Variants in AXDND1 observed in about 807,000 individuals in gnomAD.
The protein encoded by AXDND1 is axonemal dynein light chain domain containing 1, also known as axonemal dynein light chain domain-containing protein 1.
A neutral mutation model predicts 137.5 loss-of-function variants in AXDND1; 110 were observed. The observed-to-expected ratio is 0.80, with a 90% CI of 0.69 to 0.94. AXDND1 has a LOEUF of 0.94. Among genes scored for constraint, AXDND1 ranks in the 40% least tolerant of loss-of-function variants. AXDND1 has a pLI of 0.00. For missense variants in AXDND1, 1,191 were observed against 1,169.8 expected (o/e 1.02, Z -0.26); for synonymous variants, 414 against 399.7 (o/e 1.04, Z -0.43).
In AXDND1 at chr1:179,383,491, A is replaced by G; in HGVS notation, c.688A>G (p.Thr230Ala). The change falls in exon 8 of 26, where the codon ACT becomes GCT. Residue 230 changes from threonine to alanine, a missense_variant. By Grantham distance (58) the Thr-to-Ala change is moderately conservative (BLOSUM62 0). Transcript: ENST00000367618. ...EVAQLNDVMD[T>A]MLERAGVENQ... ...GGCCCAGCTGAATGATGTGATGGAT[A>G]CTATGCTAGAGAGGGCTGGTGTGGA... is the stretch of plus-strand genomic sequence containing the variant. The G allele has an allele frequency of 1.2e-6, 2 of 1,614,150 alleles. No individual in the cohort carries two copies. The highest frequency in any genetic ancestry group is 2.2e-5 in the East Asian group (1 of 44,882).
At chr1:179,450,204 T>G (rs1324597083) in intron 16 of AXDND1, 1 of 152,186 alleles carries the variant, frequency 6.6e-6, no homozygotes, top group Non-Finnish European at 1.5e-5. Context: ...TTAGTAGAGA[T>G]GGGGTTTCAC....
intron 10 of AXDND1, among the ~76,000 whole-genome samples, chr1:179,394,657 A>C (rs1206766565): frequency 1.4e-5 from 2 of 144,490 alleles, no homozygotes; most frequent in African/African-American, 5.1e-5. Context: ...TGCCATAATT[A>C]TGGATGTTAA....
chr1:179,369,848 T>C, intron 3 of AXDND1, 127 bp from the exon 4 acceptor site: 2 of 592,310 alleles, frequency 3.4e-6, no homozygotes, highest in Non-Finnish European at 5.9e-6. Flanking sequence ...AGAATTCTGC[T>C]CTCTTTTTTC....
At chr1:179,381,833 T>G (rs540706131) in intron 6 of AXDND1, among the ~76,000 whole-genome samples, 2 of 151,440 alleles carry the variant, frequency 1.3e-5, no homozygotes, top group Non-Finnish European at 2.9e-5. Context: ...CAAGCTGGAG[T>G]GCAGTGGCGT....
chr1:179,489,041 T>G lies in AXDND1; in HGVS notation c.2092-2497T>G, dbSNP rs188297987. Among the ~76,000 whole-genome samples the G allele has an allele frequency of 5.1e-3, 755 of 146,918 alleles. 48 individuals carry two copies. Among genetic ancestry groups the G allele is most frequent in the South Asian group, 9.7e-3 (46 of 4,754 alleles). ...AGCTACCACACCTGGCACATTTATT[T>G]CTTAATATCAGCTAAGAAGTGGCTA... is the stretch of plus-strand genomic sequence containing the variant. On this transcript the variant is annotated intron_variant, in intron 18 of 25. Transcript: ENST00000367618.
intron 12 of AXDND1, among the ~76,000 whole-genome samples, chr1:179,413,998 T>G (rs1211839686): frequency 1.3e-5 from 2 of 152,144 alleles, no homozygotes; most frequent in Non-Finnish European, 2.9e-5. Flanking sequence ...GATAAAGCAA[T>G]TATCTACCTA....
rs116756672 is a variant in AXDND1 at position 179,397,916 on chromosome 1, T to C, written c.1109+2714T>C. 3.8e-3 allele frequency among the ~76,000 whole-genome samples: 577 copies of C among 152,324 alleles called. 5 individuals carry two copies. Among genetic ancestry groups the C allele is most frequent in the African/African-American group, 0.013 (548 of 41,574 alleles). ...ATTTTATTGTGATTCATAGCATCCT[T>C]GAATTGGGTTTCAGCATACTCCTGC... On this transcript the variant is annotated intron_variant, in intron 11 of 25. Transcript: ENST00000367618.
At chr1:179,429,400 C>T (rs370668596) in intron 12 of AXDND1, 118 bp from the exon 13 acceptor site, 13 of 511,878 alleles carry the variant, frequency 2.5e-5, no homozygotes, top group Non-Finnish European at 3.9e-5. Flanking sequence ...ATGATTTAAA[C>T]GAGAAATTTT....
chr1:179,434,843 A>G lies in AXDND1; in HGVS notation c.1563+2501A>G, dbSNP rs538177264. ...CATAGTATTGGAAGTTCTGGCCAGG[A>G]CAATCAGGCAAGATAAAGAAATAGA... On this transcript the variant is annotated intron_variant, in intron 15 of 25. Transcript: ENST00000367618. Among the ~76,000 whole-genome samples, 803 of 152,194 alleles carry G rather than the reference A, an allele frequency of 5.3e-3. 10 individuals are homozygous for G. The highest frequency in any genetic ancestry group is 0.019 in the African/African-American group (779 of 41,540).
At chr1:179,430,419 A>G (rs757525280) in intron 13 of AXDND1, 33 bp from the exon 14 acceptor site, 1 of 1,496,260 alleles carries the variant, frequency 6.7e-7, no homozygotes, top group Non-Finnish European at 9.1e-7. Flanking sequence ...TACATAAATG[A>G]ATATATTATT....
intron 17 of AXDND1, among the ~76,000 whole-genome samples, chr1:179,479,101 C>A (rs1553287264): frequency 1.3e-5 from 2 of 151,806 alleles, no homozygotes; most frequent in Non-Finnish European, 2.9e-5. Flanking sequence ...GACTCTGTCT[C>A]AAAAAAATAA....
At chr1:179,445,710 A>G (rs1659643654) in intron 16 of AXDND1, among the ~76,000 whole-genome samples, 2 of 152,172 alleles carry the variant, frequency 1.3e-5, no homozygotes, top group African/African-American at 2.4e-5. Flanking sequence ...ATGGCCTAAT[A>G]ATAGTGTATG....
At chr1:179,384,361 G>C (rs933526114) in intron 8 of AXDND1, among the ~76,000 whole-genome samples, 2 of 152,026 alleles carry the variant, frequency 1.3e-5, no homozygotes, top group Non-Finnish European at 2.9e-5. Flanking sequence ...TACAAACAAG[G>C]ACATTCTCTT....
At chr1:179,470,496 G>C (rs916704315) in intron 17 of AXDND1, among the ~76,000 whole-genome samples, 1 of 152,000 alleles carries the variant, frequency 6.6e-6, no homozygotes, top group Non-Finnish European at 1.5e-5. Flanking sequence ...CTGAGTATAA[G>C]CTGTACACTT....
chr1:179,457,141 C>T (rs1442852376), intron 16 of AXDND1: 12 of 897,602 alleles, frequency 1.3e-5, no homozygotes, highest in East Asian at 1.2e-4. Context: ...CCACCTTCTC[C>T]GCAGTGGCAT....
chr1:179,385,445 A>T, intron 9 of AXDND1, 86 bp downstream of exon 9: 1 of 1,477,492 alleles, frequency 6.8e-7, no homozygotes, highest in Non-Finnish European at 9.4e-7. Flanking sequence ...AATGCCACAA[A>T]AGTGCACTTC....
rs192397794 is a variant in AXDND1, at chr1:179,423,646, C to T, written c.1231-5872C>T. Reference sequence around the variant, plus strand: ...GAAGCTTACAAAAAACATTGTATAACAGGTTTTTTTAAAAAAAGAGATGAC... The same window carrying T: ...GAAGCTTACAAAAAACATTGTATAATAGGTTTTTTTAAAAAAAGAGATGAC... On this transcript the variant is annotated intron_variant, in intron 12 of 25. Transcript: ENST00000367618. 9.9e-5 allele frequency among the ~76,000 whole-genome samples: 15 copies of T among 151,724 alleles called. No homozygotes were observed. In the East Asian group the frequency reaches 2.9e-3, roughly 29 times the overall value.
intron 15 of AXDND1, among the ~76,000 whole-genome samples, chr1:179,438,705 T>C (rs997466327): frequency 6.6e-6 from 1 of 152,154 alleles, no homozygotes; most frequent in African/African-American, 2.4e-5. Context: ...GTAGGGATAT[T>C]ATGTGTTTGC....
At chr1:179,481,672 C>T (rs1189639781) in intron 17 of AXDND1, among the ~76,000 whole-genome samples, 1 of 152,198 alleles carries the variant, frequency 6.6e-6, no homozygotes, top group Non-Finnish European at 1.5e-5. Context: ...TTAATGATCG[C>T]CATTCTAACT....
Sources: gnomAD v4.1 joint callset for allele counts (sites outside exome capture counted in the v4.1 genomes callset) on GRCh38, gnomAD v4.1.1 for gene constraint, MANE v1.5 for transcripts, NCBI Gene and HGNC (gene_info 2026-07-23, HGNC 2026-07-21) for gene names.